ZNF521: variants seen among roughly 807,000 people sequenced by gnomAD.
The protein encoded by ZNF521 is LYST-interacting protein 3.
A neutral mutation model predicts 105.5 loss-of-function variants in ZNF521; 14 were observed. That is an observed-to-expected ratio of 0.13 (90% confidence interval 0.09 to 0.21). ZNF521 has a LOEUF of 0.21. ZNF521 is among the 10% of genes least tolerant of loss of function. ZNF521 has a pLI of 1.00. For missense variants in ZNF521, 1,233 were observed against 1,629.7 expected, an observed-to-expected ratio of 0.76 and a Z score of 4.19; for synonymous variants, 635 against 606.0, an observed-to-expected ratio of 1.05 and a Z score of -0.70.
chr18:25,112,529 G>A (rs554864902), intron 5 of ZNF521, among the ~76,000 whole-genome samples: 10 of 152,294 alleles, frequency 6.6e-5, no homozygotes, highest in Non-Finnish European at 1.3e-4. Context: ...GAGCACAGCT[G>A]AGATTAAATT....
intron 5 of ZNF521, among the ~76,000 whole-genome samples, chr18:25,169,436 C>A (rs1442631435): frequency 1.3e-5 from 2 of 152,098 alleles, no homozygotes; most frequent in Non-Finnish European, 2.9e-5. Context: ...CTGCAGATGT[C>A]CAGGTCTGGT....
At chr18:25,231,899 T>C (rs565443392) in intron 3 of ZNF521, among the ~76,000 whole-genome samples, 1 of 152,208 alleles carries the variant, frequency 6.6e-6, no homozygotes, top group Non-Finnish European at 1.5e-5. Context: ...GAAAATACTT[T>C]CTCTGAAGTT....
intron 5 of ZNF521, among the ~76,000 whole-genome samples, chr18:25,161,542 A>G (rs2035251724): frequency 6.6e-6 from 1 of 152,208 alleles, no homozygotes. Context: ...TCTTCCCACT[A>G]GTCACAGTCT....
At chr18:25,212,380 C>G (rs1002929995) in intron 4 of ZNF521, among the ~76,000 whole-genome samples, 2 of 149,864 alleles carry the variant, frequency 1.3e-5, no homozygotes, top group African/African-American at 2.5e-5. Flanking sequence ...CATGGTGGCG[C>G]ACACCTGTAG....
intron 3 of ZNF521, among the ~76,000 whole-genome samples, chr18:25,240,874 C>T (rs373287122): frequency 1.1e-4 from 16 of 151,228 alleles, no homozygotes; most frequent in South Asian, 2.1e-4. Flanking sequence ...GGTTCCCTTA[C>T]CCCTCGACAG....
chr18:25,237,800 A>G (rs1907018027), intron 3 of ZNF521, among the ~76,000 whole-genome samples: 1 of 152,220 alleles, frequency 6.6e-6, no homozygotes. Flanking sequence ...GTTGTTTGGC[A>G]TGGATTGTGC....
chr18:25,331,829 C>A (rs1162595665), intron 2 of ZNF521, among the ~76,000 whole-genome samples: 1 of 151,014 alleles, frequency 6.6e-6, no homozygotes, highest in Non-Finnish European at 1.5e-5. Flanking sequence ...CAACCTCATT[C>A]ACAAAAATCA....
chr18:25,223,370 GGC>G (rs1905863690), intron 4 of ZNF521, among the ~76,000 whole-genome samples: 1 of 152,172 alleles, frequency 6.6e-6, no homozygotes, highest in Non-Finnish European at 1.5e-5. Context: ...GCTGACTGAT[GGC>G]TATCTGCAGG....
intron 3 of ZNF521, among the ~76,000 whole-genome samples, chr18:25,239,376 G>A (rs1431506880): frequency 2.0e-5 from 3 of 152,146 alleles, no homozygotes; most frequent in Admixed American, 6.5e-5. Context: ...GTAGACAGCC[G>A]TGTTTCAAGT....
At chr18:25,115,496 T>C (rs1170267447) in intron 5 of ZNF521, among the ~76,000 whole-genome samples, 1 of 152,184 alleles carries the variant, frequency 6.6e-6, no homozygotes, top group African/African-American at 2.4e-5. Flanking sequence ...AGCTGGTTCT[T>C]ATACCTATGG....
chr18:25,176,130 C>T (rs987367991), intron 5 of ZNF521, among the ~76,000 whole-genome samples: 4 of 152,136 alleles, frequency 2.6e-5, no homozygotes, highest in African/African-American at 7.2e-5. Context: ...TTTCAATAGC[C>T]GTGTGAGTCT....
At chr18:25,222,968 T>C (rs1402502030) in intron 4 of ZNF521, among the ~76,000 whole-genome samples, 1 of 152,160 alleles carries the variant, frequency 6.6e-6, no homozygotes, top group Non-Finnish European at 1.5e-5. Flanking sequence ...CGCTACAAAA[T>C]ATTCTTATCT....
intron 5 of ZNF521, among the ~76,000 whole-genome samples, chr18:25,098,040 T>TAGGGAGAGGAGAGGC (rs140692999): frequency 0.25 from 37,552 of 151,606 alleles, 4,800 homozygotes; most frequent in East Asian, 0.3. Context: ...TCCAGGTGGG[T>TAGGGAGAGGAGAGGC]AGGGAGAGGA....
At chr18:25,138,368 T>C (rs2034776036) in intron 5 of ZNF521, among the ~76,000 whole-genome samples, 1 of 152,192 alleles carries the variant, frequency 6.6e-6, no homozygotes, top group Non-Finnish European at 1.5e-5. Flanking sequence ...AATAATATTC[T>C]AATTTTTATA....
intron 3 of ZNF521, among the ~76,000 whole-genome samples, chr18:25,251,632 G>A (rs1368006990): frequency 6.6e-6 from 1 of 152,168 alleles, no homozygotes; most frequent in Non-Finnish European, 1.5e-5. Context: ...AATGCAATAT[G>A]TTAGTGATGA....
intron 3 of ZNF521, among the ~76,000 whole-genome samples, chr18:25,246,270 TG>T (rs1330638535): frequency 1.3e-5 from 2 of 152,178 alleles, no homozygotes; most frequent in Non-Finnish European, 1.5e-5. Context: ...ATGATCTTTA[TG>T]AAAAAAAGCT....
intron 7 of ZNF521, among the ~76,000 whole-genome samples, chr18:25,075,497 G>A (rs2033339394): frequency 6.6e-6 from 1 of 152,130 alleles, no homozygotes; most frequent in Admixed American, 6.5e-5. Flanking sequence ...TAATAACACT[G>A]AAAATCATTC....
At chr18:25,191,073 G>A (rs1382815372) in intron 5 of ZNF521, among the ~76,000 whole-genome samples, 4 of 152,050 alleles carry the variant, frequency 2.6e-5, no homozygotes, top group African/African-American at 9.6e-5. Context: ...GATCTATCTA[G>A]GACACGTTTA....
intron 3 of ZNF521, among the ~76,000 whole-genome samples, chr18:25,239,062 G>A (rs1165847311): frequency 1.3e-5 from 2 of 151,950 alleles, no homozygotes; most frequent in South Asian, 2.1e-4. Flanking sequence ...GGGCTTTCTC[G>A]CCCTTATTCA....
Sources: gnomAD v4.1 joint callset for allele counts (sites outside exome capture counted in the v4.1 genomes callset) on GRCh38, gnomAD v4.1.1 for gene constraint, MANE v1.5 for transcripts, NCBI Gene and HGNC (gene_info 2026-07-23, HGNC 2026-07-21) for gene names.